Variants in MAPT observed in about 807,000 individuals in gnomAD.
MAPT encodes the protein microtubule-associated protein tau.
MAPT carries 34 observed loss-of-function variants against 67.9 expected under a neutral mutation model. The ratio of observed to expected loss-of-function variants is 0.50; its 90% CI spans 0.38 to 0.67. The LOEUF (loss-of-function observed/expected upper bound fraction) is 0.67, where lower values mean the gene tolerates loss of function less well. Ranked by LOEUF, MAPT falls within the 30% of genes least tolerant of loss-of-function variation. MAPT has a pLI of 0.00. For synonymous variants in MAPT, 456 were observed against 464.5 expected (o/e 0.98, Z 0.23); for missense variants, 881 against 1,115.2 (o/e 0.79, Z 2.99).
intron 1 of MAPT, among the ~76,000 whole-genome samples, chr17:45,936,283 G>A (rs1176053206): frequency 1.3e-5 from 2 of 152,186 alleles, no homozygotes; most frequent in East Asian, 3.9e-4. Context: ...TGGTCCTCAA[G>A]GTCTTCCCAA....
chr17:45,952,947 A>G (rs1333801142), intron 1 of MAPT, among the ~76,000 whole-genome samples: 1 of 152,112 alleles, frequency 6.6e-6, no homozygotes, highest in African/African-American at 2.4e-5. Context: ...TCTGCCTCTT[A>G]CTGGCTGTGT....
chr17:45,990,914 C>T (rs186032025), intron 7 of MAPT, among the ~76,000 whole-genome samples: 33 of 152,290 alleles, frequency 2.2e-4, no homozygotes, highest in Admixed American at 2.0e-3. Context: ...CTCGCCTCCT[C>T]GGGTGCTCGC....
intron 1 of MAPT, among the ~76,000 whole-genome samples, chr17:45,948,307 C>G (rs2068710609): frequency 6.8e-6 from 1 of 147,346 alleles, no homozygotes; most frequent in Admixed American, 6.8e-5. Context: ...ACCCAGCCCT[C>G]CTGGGCTCTT....
At chr17:45,902,137 C>T (rs577954495) in intron 1 of MAPT, among the ~76,000 whole-genome samples, 1 of 152,028 alleles carries the variant, frequency 6.6e-6, no homozygotes, top group East Asian at 1.9e-4. Flanking sequence ...TGCAATGGCG[C>T]GATCTTGGCT....
In MAPT at chr17:46,023,970, G is replaced by A; in HGVS notation, c.2301G>A (p.Lys767=). ...GGGNKKIETH[K]LTFRENAKAK... ...TCTTCTTGCAGATTGAAACCCACAA[G>A]CTGACCTTCCGCGAGAACGCCAAAG... Residue 767 remains lysine (K), a synonymous_variant, in exon 13 of 13, where the codon AAG becomes AAA. Transcript: ENST00000262410. 1 of 1,614,060 alleles carries A rather than the reference G, an allele frequency of 6.2e-7. No homozygotes were observed. Among genetic ancestry groups the A allele is most frequent in the South Asian group, 1.1e-5 (1 of 91,080 alleles).
intron 1 of MAPT, among the ~76,000 whole-genome samples, chr17:45,927,878 T>C (rs2066493781): frequency 6.6e-6 from 1 of 151,866 alleles, no homozygotes; most frequent in Non-Finnish European, 1.5e-5. Context: ...CAGGTGCCTG[T>C]AGTCCCAGCT....
At chr17:45,960,608 G>T (rs181823860) in intron 1 of MAPT, among the ~76,000 whole-genome samples, 47 of 152,262 alleles carry the variant, frequency 3.1e-4, no homozygotes, top group South Asian at 6.2e-4. Context: ...CTATAATAAG[G>T]TTGTATTACT....
intron 1 of MAPT, among the ~76,000 whole-genome samples, chr17:45,900,825 C>A (rs1354833649): frequency 6.6e-6 from 1 of 152,134 alleles, no homozygotes; most frequent in Non-Finnish European, 1.5e-5. Flanking sequence ...TTGTCATCCA[C>A]AACTTGGAGT....
At chr17:45,905,101 TCAGCCTCTGCCTCTG>T (rs1206261222) in intron 1 of MAPT, among the ~76,000 whole-genome samples, 1 of 152,216 alleles carries the variant, frequency 6.6e-6, no homozygotes, top group Non-Finnish European at 1.5e-5. Flanking sequence ...GTGCAGCGGC[TCAGCCTCTGCCTCTG>T]CTGCTGGTCC....
chr17:46,004,194 G>A (rs1036266296), intron 9 of MAPT, among the ~76,000 whole-genome samples: 1 of 152,216 alleles, frequency 6.6e-6, no homozygotes, highest in South Asian at 2.1e-4. Flanking sequence ...TGTGAGGCAC[G>A]GACGGGGCTG....
chr17:45,904,385 T>TTA lies in MAPT; in HGVS notation c.-18+9710_-18+9711dup, dbSNP rs1266505362. Among the ~76,000 whole-genome samples, 94 of 110,220 alleles carry TTA rather than the reference T, an allele frequency of 8.5e-4. 2 individuals are homozygous for TTA. The highest frequency in any genetic ancestry group is 1.4e-3 in the Non-Finnish European group (77 of 56,700). The allele number at this position is 110,220 out of a possible 152,430, so 72.3% of individuals were successfully genotyped here. On this transcript the variant is annotated intron_variant, in intron 1 of 12. Transcript: ENST00000262410. ...ATATATTAAATATATTTTATATATATTATATATATATACACATATATATAT... is the reference window on the plus strand; with the variant it reads ...ATATATTAAATATATTTTATATATATTATATATATATATACACATATATATAT...
At chr17:46,015,266 A>G (rs1350455665) in intron 11 of MAPT, among the ~76,000 whole-genome samples, 1 of 151,782 alleles carries the variant, frequency 6.6e-6, no homozygotes, top group Non-Finnish European at 1.5e-5. Context: ...AGGCTGAGGC[A>G]GGAGAATCAC....
At chr17:46,021,802 G>T (rs550322713) in intron 12 of MAPT, among the ~76,000 whole-genome samples, 1 of 152,266 alleles carries the variant, frequency 6.6e-6, no homozygotes, top group Non-Finnish European at 1.5e-5. Context: ...CCATGTGATA[G>T]CTCAGGAAGG....
chr17:46,022,612 G>C (rs1568345658), intron 12 of MAPT, among the ~76,000 whole-genome samples: 1 of 152,124 alleles, frequency 6.6e-6, no homozygotes, highest in Non-Finnish European at 1.5e-5. Context: ...GATGCTCAAA[G>C]AGCCTAGGAC....
chr17:45,943,879 G>A (rs1369724133), intron 1 of MAPT, among the ~76,000 whole-genome samples: 1 of 152,162 alleles, frequency 6.6e-6, no homozygotes, highest in Non-Finnish European at 1.5e-5. Context: ...GACCTTCCCG[G>A]AAGTTGCCCC....
intron 1 of MAPT, among the ~76,000 whole-genome samples, chr17:45,900,025 G>A (rs2063515035): frequency 6.6e-6 from 1 of 152,142 alleles, no homozygotes; most frequent in Admixed American, 6.5e-5. Context: ...CCCCAGCTTA[G>A]GTTCTGTACC....
intron 4 of MAPT, among the ~76,000 whole-genome samples, chr17:45,980,920 C>G (rs2072889385): frequency 1.3e-5 from 2 of 152,202 alleles, no homozygotes; most frequent in Non-Finnish European, 1.5e-5. Context: ...CTGTGAGAAG[C>G]TGAAGTCAAT....
intron 9 of MAPT, among the ~76,000 whole-genome samples, chr17:45,998,960 C>T (rs1338115323): frequency 6.6e-6 from 1 of 152,122 alleles, no homozygotes; most frequent in African/African-American, 2.4e-5. Context: ...GCTCCAGCAC[C>T]CAGACTGCCA....
chr17:45,926,959 A>G (rs571900540), intron 1 of MAPT, among the ~76,000 whole-genome samples: 73 of 108,546 alleles, frequency 6.7e-4, no homozygotes, highest in African/African-American at 1.9e-3. Context: ...ATATATGTGT[A>G]TATATATACA....
Sources: gnomAD v4.1 joint callset for allele counts (sites outside exome capture counted in the v4.1 genomes callset) on GRCh38, gnomAD v4.1.1 for gene constraint, MANE v1.5 for transcripts, NCBI Gene and HGNC (gene_info 2026-07-23, HGNC 2026-07-21) for gene names.